The following KCNIP4 variants were observed in gnomAD, a reference collection of about 807,000 sequenced individuals.
KCNIP4 encodes Kv channel-interacting protein 4.
KCNIP4 carries 12 observed loss-of-function variants against 34.0 expected under a neutral mutation model. That is an observed-to-expected ratio of 0.35 (90% CI 0.23 to 0.57). KCNIP4 has a LOEUF of 0.57. KCNIP4 is among the 20% of genes least tolerant of loss of function. The pLI, the probability that KCNIP4 is intolerant of heterozygous loss-of-function variation, is 0.83. For synonymous variants in KCNIP4, 124 were observed against 102.2 expected, an observed-to-expected ratio of 1.21 and a Z score of -1.29; for missense variants, 238 against 311.7, an observed-to-expected ratio of 0.76 and a Z score of 1.78.
intron 1 of KCNIP4, among the ~76,000 whole-genome samples, chr4:21,917,390 C>T (rs960470463): frequency 1.6e-4 from 25 of 152,154 alleles, no homozygotes; most frequent in Non-Finnish European, 2.9e-4. Flanking sequence ...CCACCTTGGC[C>T]TCCCAAAGTG....
chr4:21,799,120 C>T (rs1235464187), intron 1 of KCNIP4, among the ~76,000 whole-genome samples: 1 of 151,978 alleles, frequency 6.6e-6, no homozygotes, highest in Non-Finnish European at 1.5e-5. Flanking sequence ...TAATGATATA[C>T]CATTAATAAT....
intron 1 of KCNIP4, among the ~76,000 whole-genome samples, chr4:21,016,022 T>G (rs1214012029): frequency 6.8e-6 from 1 of 147,012 alleles, no homozygotes; most frequent in Non-Finnish European, 1.5e-5. Context: ...TATATATTTA[T>G]ATATATCTAG....
rs117989300 is a variant in KCNIP4, at chr4:21,670,643, C to T, written c.61+277928G>A. Among the ~76,000 whole-genome samples the T allele has an allele frequency of 4.2e-3, 637 of 152,162 alleles. 9 individuals carry two copies. The East Asian group carries it at 0.059, about 14-fold the overall frequency. On this transcript the variant is annotated intron_variant, in intron 1 of 8. Transcript: ENST00000382152. Reference sequence around the variant, plus strand: ...CATCTGGTAAAATTACAGACAGAATCTAAAAAATATATGAGTAAACCTTTT... The same window carrying T: ...CATCTGGTAAAATTACAGACAGAATTTAAAAAATATATGAGTAAACCTTTT...
At chr4:20,939,323 T>G (rs1731395124) in intron 1 of KCNIP4, among the ~76,000 whole-genome samples, 1 of 152,150 alleles carries the variant, frequency 6.6e-6, no homozygotes, top group African/African-American at 2.4e-5. Context: ...TTTCCGATGC[T>G]TCCCTCATTG....
intron 1 of KCNIP4, among the ~76,000 whole-genome samples, chr4:21,251,886 T>C (rs1397852880): frequency 7.0e-6 from 1 of 141,900 alleles, no homozygotes; most frequent in Non-Finnish European, 1.5e-5. Context: ...GGGGGAGGGA[T>C]AGCATTAGGA....
chr4:21,362,055 A>G (rs772475054), intron 1 of KCNIP4, among the ~76,000 whole-genome samples: 1 of 152,142 alleles, frequency 6.6e-6, no homozygotes, highest in Non-Finnish European at 1.5e-5. Context: ...GACAGTACCC[A>G]TGCAAGAATG....
At chr4:21,619,841 A>G (rs2109172824) in intron 1 of KCNIP4, among the ~76,000 whole-genome samples, 1 of 152,346 alleles carries the variant, frequency 6.6e-6, no homozygotes, top group South Asian at 2.1e-4. Flanking sequence ...TCAGATATTA[A>G]AAATCATAAG....
intron 2 of KCNIP4, chr4:20,850,907 T>C: frequency 2.8e-6 from 1 of 352,976 alleles, no homozygotes; most frequent in Non-Finnish European, 5.1e-6. Context: ...AACCCTAGCA[T>C]TGTTTTAAGA....
chr4:21,741,512 A>G (rs1716400140), intron 1 of KCNIP4, among the ~76,000 whole-genome samples: 1 of 152,188 alleles, frequency 6.6e-6, no homozygotes, highest in African/African-American at 2.4e-5. Context: ...ATGAGATTTG[A>G]AAACAATGAA....
At chr4:21,568,195 G>A (rs1331924396) in intron 1 of KCNIP4, among the ~76,000 whole-genome samples, 1 of 152,040 alleles carries the variant, frequency 6.6e-6, no homozygotes, top group Non-Finnish European at 1.5e-5. Flanking sequence ...TTCATGTGTT[G>A]AGTTTCTAAT....
At chr4:21,381,587 A>G (rs6854379) in intron 1 of KCNIP4, among the ~76,000 whole-genome samples, 133,106 of 152,184 alleles carry the variant, frequency 0.87, 58,337 homozygotes, top group Non-Finnish European at 0.9. Flanking sequence ...CTGAGCTGAC[A>G]ATTCCTGCAG....
At chr4:20,836,499 G>C (rs1301817946) in intron 3 of KCNIP4, among the ~76,000 whole-genome samples, 2 of 152,068 alleles carry the variant, frequency 1.3e-5, no homozygotes, top group Admixed American at 1.3e-4. Context: ...TAAAGAATTG[G>C]CTAATGTGAT....
chr4:21,617,962 A>C (rs775172279), intron 1 of KCNIP4, among the ~76,000 whole-genome samples: 140 of 152,248 alleles, frequency 9.2e-4, no homozygotes, highest in Non-Finnish European at 1.6e-3. Context: ...TTTATAAAAC[A>C]AAAACTTTTA....
chr4:21,384,407 A>G (rs901509945), intron 1 of KCNIP4, among the ~76,000 whole-genome samples: 4 of 152,218 alleles, frequency 2.6e-5, no homozygotes, highest in Admixed American at 6.5e-5. Context: ...TGAATGAGTA[A>G]TATTAAACCA....
At chr4:20,817,811 T>C (rs1483736128) in intron 3 of KCNIP4, among the ~76,000 whole-genome samples, 1 of 152,186 alleles carries the variant, frequency 6.6e-6, no homozygotes, top group African/African-American at 2.4e-5. Flanking sequence ...TATAATCAGA[T>C]ATTTTCTTTG....
chr4:21,346,883 A>G (rs1017657713), intron 1 of KCNIP4, among the ~76,000 whole-genome samples: 1 of 152,164 alleles, frequency 6.6e-6, no homozygotes, highest in African/African-American at 2.4e-5. Context: ...TCATGGTTTT[A>G]GGTTTTTGCT....
intron 1 of KCNIP4, among the ~76,000 whole-genome samples, chr4:21,192,976 G>C (rs1755791202): frequency 6.9e-6 from 1 of 143,908 alleles, no homozygotes; most frequent in African/African-American, 2.6e-5. Context: ...AATTAGTTGG[G>C]TGTGGTGGCA....
At chr4:21,841,463 G>A (rs917585363) in intron 1 of KCNIP4, among the ~76,000 whole-genome samples, 4 of 152,148 alleles carry the variant, frequency 2.6e-5, no homozygotes, top group Non-Finnish European at 4.4e-5. Context: ...AAAAGAATGT[G>A]ACTTCCAACC....
At chr4:21,914,017 C>T (rs1728490605) in intron 1 of KCNIP4, among the ~76,000 whole-genome samples, 1 of 152,034 alleles carries the variant, frequency 6.6e-6, no homozygotes. Flanking sequence ...TGTAGAGAGC[C>T]AAGGAAGACA....
Sources: gnomAD v4.1 joint callset for allele counts (sites outside exome capture counted in the v4.1 genomes callset) on GRCh38, gnomAD v4.1.1 for gene constraint, MANE v1.5 for transcripts, NCBI Gene and HGNC (gene_info 2026-07-23, HGNC 2026-07-21) for gene names.